Variants in TMEM267 observed in about 807,000 individuals in gnomAD.
TMEM267 encodes transmembrane protein C5orf28.
In TMEM267, 20 loss-of-function variants were observed where a neutral mutation model predicts 19.3. The ratio of observed to expected loss-of-function variants is 1.04; its 90% CI spans 0.73 to 1.51. The LOEUF (loss-of-function observed/expected upper bound fraction) is 1.51. TMEM267 is among the 40% of genes most tolerant of loss of function. The pLI is 0.00. For synonymous variants in TMEM267, 88 were observed against 90.3 expected (o/e 0.97, Z 0.15); for missense variants, 242 against 261.9 (o/e 0.92, Z 0.52).
chr5:43,460,479 A>G (rs1273925205), intron 1 of TMEM267, among the ~76,000 whole-genome samples: 1 of 152,154 alleles, frequency 6.6e-6, no homozygotes, highest in Non-Finnish European at 1.5e-5. Flanking sequence ...CTTCATAAGA[A>G]CCAAAAATCA....
chr5:43,479,840 G>T, intron 1 of TMEM267: 1 of 425,610 alleles, frequency 2.3e-6, no homozygotes, highest in East Asian at 7.9e-5. Context: ...TGATTTCCAG[G>T]TACTCTCAAC....
chr5:43,460,689 C>T (rs1421184310), intron 1 of TMEM267, among the ~76,000 whole-genome samples: 1 of 152,164 alleles, frequency 6.6e-6, no homozygotes, highest in African/African-American at 2.4e-5. Context: ...AGTTTTGAGG[C>T]ACTGAACTCA....
At chr5:43,478,244 T>C (rs1744545320) in intron 1 of TMEM267, among the ~76,000 whole-genome samples, 1 of 152,220 alleles carries the variant, frequency 6.6e-6, no homozygotes, top group South Asian at 2.1e-4. Flanking sequence ...TATAATGTAA[T>C]TTTATATAAA....
At chr5:43,481,616 A>G (rs1459295228) in intron 1 of TMEM267, among the ~76,000 whole-genome samples, 1 of 152,110 alleles carries the variant, frequency 6.6e-6, no homozygotes, top group African/African-American at 2.4e-5. Flanking sequence ...AATGGGTATA[A>G]TGCGAATGCA....
At chr5:43,473,139 CAAAAAAAAAAAA>C (rs71610311) in intron 1 of TMEM267, among the ~76,000 whole-genome samples, 2 of 84,508 alleles carry the variant, frequency 2.4e-5, no homozygotes, top group Non-Finnish European at 4.3e-5. Context: ...CTCCGTGTCA[CAAAAAAAAAAAA>C]AAAAAAAAAA....
In TMEM267 at chr5:43,462,199, G is replaced by C. The variant is rs527842191; in HGVS notation, c.-74-8156C>G. ...ATGACCATCAAGGCGGTACCTCTAT[G>C]AGTCTGCAAGAACCACAGCATTACT... On this transcript the variant is annotated intron_variant, in intron 1 of 2. Transcript: ENST00000397080. Among the ~76,000 whole-genome samples the C allele has an allele frequency of 3.3e-4, 50 of 152,336 alleles. 1 individual carries two copies. Among genetic ancestry groups the C allele is most frequent in the Non-Finnish European group, 5.7e-4 (39 of 68,032 alleles).
intron 1 of TMEM267, among the ~76,000 whole-genome samples, chr5:43,477,738 T>A (rs576834914): frequency 6.6e-6 from 1 of 152,194 alleles, no homozygotes; most frequent in East Asian, 1.9e-4. Flanking sequence ...GCTGCTGCTA[T>A]AAAAGATTCT....
chr5:43,483,492 C>A (rs149509159), intron 1 of TMEM267, among the ~76,000 whole-genome samples: 1 of 152,346 alleles, frequency 6.6e-6, no homozygotes, highest in Non-Finnish European at 1.5e-5. Flanking sequence ...GAACCCCACC[C>A]TGGGCCAGAA....
chr5:43,449,771 TACA>T (rs908480247), intron 2 of TMEM267, among the ~76,000 whole-genome samples: 2 of 152,168 alleles, frequency 1.3e-5, no homozygotes, highest in Admixed American at 1.3e-4. Flanking sequence ...TAATAGGAAG[TACA>T]ACATTTTCAA....
intron 1 of TMEM267, among the ~76,000 whole-genome samples, chr5:43,474,577 C>T (rs552340408): frequency 2.6e-5 from 4 of 151,998 alleles, no homozygotes; most frequent in African/African-American, 7.2e-5. Context: ...CTGACCAACA[C>T]GGAGAAATCC....
intron 1 of TMEM267, among the ~76,000 whole-genome samples, chr5:43,463,160 C>T (rs917797314): frequency 2.6e-5 from 4 of 152,184 alleles, no homozygotes; most frequent in African/African-American, 9.6e-5. Flanking sequence ...ACTAGAAACA[C>T]CTCTATGCAA....
At chr5:43,464,574 A>G (rs369594128) in intron 1 of TMEM267, among the ~76,000 whole-genome samples, 1 of 152,264 alleles carries the variant, frequency 6.6e-6, no homozygotes, top group South Asian at 2.1e-4. Flanking sequence ...GGCTACAGTA[A>G]CCAAAACAGC....
rs572485594 is a variant in TMEM267 at position 43,463,294 on chromosome 5, T to C, written c.-74-9251A>G. Among the ~76,000 whole-genome samples the C allele has an allele frequency of 5.3e-5, 8 of 152,284 alleles. No homozygotes were observed. The South Asian group carries it at 8.3e-4, about 16-fold the overall frequency. ...ACAGGCTCTGAAATTGTGGCAATAA[T>C]CAATAGCTTACCAACCAAAAAAGGT... is the stretch of plus-strand genomic sequence containing the variant. On this transcript the variant is annotated intron_variant, in intron 1 of 2. Transcript: ENST00000397080.
At chr5:43,459,594 T>C (rs1743137969) in intron 1 of TMEM267, among the ~76,000 whole-genome samples, 1 of 152,062 alleles carries the variant, frequency 6.6e-6, no homozygotes, top group Non-Finnish European at 1.5e-5. Flanking sequence ...AACACAGAAT[T>C]CAAGGTAAAA....
chr5:43,458,033 G>C (rs1327144135), intron 1 of TMEM267, among the ~76,000 whole-genome samples: 1 of 151,962 alleles, frequency 6.6e-6, no homozygotes, highest in Admixed American at 6.6e-5. Flanking sequence ...GAGTAGCTGG[G>C]ACTACAGGCA....
intron 1 of TMEM267, among the ~76,000 whole-genome samples, chr5:43,460,307 TC>T: frequency 6.6e-6 from 1 of 152,240 alleles, no homozygotes; most frequent in East Asian, 1.9e-4. Context: ...GGGTGGGGAC[TC>T]CTGCTATAAA....
intron 1 of TMEM267, among the ~76,000 whole-genome samples, chr5:43,464,530 G>C (rs1479869833): frequency 1.3e-5 from 2 of 152,266 alleles, no homozygotes; most frequent in African/African-American, 4.8e-5. Flanking sequence ...AAAGCCAGAG[G>C]CATCACGCTA....
At chr5:43,458,564 C>T (rs532827782) in intron 1 of TMEM267, among the ~76,000 whole-genome samples, 32 of 152,174 alleles carry the variant, frequency 2.1e-4, no homozygotes, top group Non-Finnish European at 2.8e-4. Context: ...TGGTAAGGGA[C>T]GCATATGTTC....
At position 43,452,898 on chromosome 5, in the gene TMEM267, T is replaced by A. The variant is rs74331196; in HGVS notation, c.312+760A>T. 4.1e-3 allele frequency among the ~76,000 whole-genome samples: 627 copies of A among 152,322 alleles called. 4 individuals carry two copies. The highest frequency in any genetic ancestry group is 0.015 in the African/African-American group (609 of 41,574). On this transcript the variant is annotated intron_variant, in intron 2 of 2. Coordinates refer to ENST00000397080, the MANE Select transcript of TMEM267 (RefSeq NM_022483.5). ...GGCATTGTTCTAGGCCAGGGGTGAA[T>A]GAAACAGAAAGTCCTTGCTCTATGA...
Sources: allele counts gnomAD v4.1 joint callset (sites outside exome capture counted in the v4.1 genomes callset), GRCh38; gene constraint gnomAD v4.1.1; transcripts MANE v1.5; gene names NCBI Gene and HGNC (gene_info 2026-07-23, HGNC 2026-07-21).